Variants in AHI1 observed in about 807,000 individuals in gnomAD.
The protein encoded by AHI1 is jouberin.
AHI1 carries 123 observed loss-of-function variants against 149.3 expected under a neutral mutation model. The observed-to-expected ratio is 0.82, with a 90% CI of 0.71 to 0.96. The LOEUF (loss-of-function observed/expected upper bound fraction) is 0.96, where lower values mean the gene tolerates loss of function less well. AHI1 is among the 40% of genes least tolerant of loss of function. AHI1 has a pLI of 0.00. For missense variants in AHI1, 1,439 were observed against 1,422.7 expected (o/e 1.01, Z -0.18); for synonymous variants, 475 against 459.8 (o/e 1.03, Z -0.42).
At chr6:135,417,618 A>C (rs968262849) in intron 20 of AHI1, among the ~76,000 whole-genome samples, 2 of 152,050 alleles carry the variant, frequency 1.3e-5, no homozygotes, top group African/African-American at 4.8e-5. Context: ...AACACAAATA[A>C]ATACAAACAA....
At chr6:135,310,134 A>C (rs1784994952) in intron 26 of AHI1, among the ~76,000 whole-genome samples, 1 of 152,198 alleles carries the variant, frequency 6.6e-6, no homozygotes, top group African/African-American at 2.4e-5. Context: ...AAAAATCTGC[A>C]CTGTCTATTA....
At chr6:135,450,435 C>T (rs987458485) in intron 11 of AHI1, among the ~76,000 whole-genome samples, 1 of 152,140 alleles carries the variant, frequency 6.6e-6, no homozygotes, top group African/African-American at 2.4e-5. Flanking sequence ...ATCTTTTCCC[C>T]TACCCCTTTA....
At chr6:135,374,656 C>A (rs111517313) in intron 23 of AHI1, among the ~76,000 whole-genome samples, 6 of 151,238 alleles carry the variant, frequency 4.0e-5, no homozygotes, top group African/African-American at 1.5e-4. Context: ...TTAGAAGATA[C>A]AATGAAAGAG....
At chr6:135,401,899 C>G (rs1232206722) in intron 22 of AHI1, among the ~76,000 whole-genome samples, 2 of 152,142 alleles carry the variant, frequency 1.3e-5, no homozygotes, top group East Asian at 3.9e-4. Context: ...AGACAATCCA[C>G]AAAATGGGAT....
At chr6:135,332,152 C>T (rs1788697443) in intron 24 of AHI1, among the ~76,000 whole-genome samples, 1 of 151,878 alleles carries the variant, frequency 6.6e-6, no homozygotes, top group Non-Finnish European at 1.5e-5. Context: ...TCACTGCAAC[C>T]TCCGTCTCCC....
intron 26 of AHI1, chr6:135,302,955 T>C (rs1371467397): frequency 2.1e-5 from 10 of 465,184 alleles, no homozygotes; most frequent in Non-Finnish European, 3.5e-5. Context: ...TTGTTTCCTC[T>C]TCATGGATAT....
chr6:135,394,730 G>A, intron 23 of AHI1, 46 bp downstream of exon 23: 2 of 1,602,664 alleles, frequency 1.2e-6, no homozygotes, highest in African/African-American at 1.3e-5. Flanking sequence ...AACACAACAA[G>A]CATCTGAACA....
chr6:135,395,374 A>C lies in AHI1; in HGVS notation c.2989-478T>G, dbSNP rs146463862. 1.7e-3 allele frequency among the ~76,000 whole-genome samples: 253 copies of C among 152,064 alleles called. 2 individuals are homozygous for C. The highest frequency in any genetic ancestry group is 2.8e-3 in the Non-Finnish European group (193 of 67,850). The stretch of plus-strand genomic sequence containing the variant: ...GACACAGATAACACAGCTGTAACCT[A>C]GCTTGCCATGTGAAATAGTATCCAT... On this transcript the variant is annotated intron_variant, in intron 22 of 28. Transcript: ENST00000265602.
intron 24 of AHI1, among the ~76,000 whole-genome samples, chr6:135,326,931 T>C (rs1300122663): frequency 6.6e-6 from 1 of 152,210 alleles, no homozygotes; most frequent in Non-Finnish European, 1.5e-5. Flanking sequence ...CCAATGTCCA[T>C]TATACCTCTC....
At chr6:135,421,871 T>C (rs1298268583) in intron 20 of AHI1, among the ~76,000 whole-genome samples, 1 of 152,180 alleles carries the variant, frequency 6.6e-6, no homozygotes, top group Non-Finnish European at 1.5e-5. Context: ...ATTTCTATCT[T>C]TTAATTTCTC....
At position 135,467,625 on chromosome 6, in the gene AHI1, T is replaced by C. The variant is rs533707253; in HGVS notation, c.145A>G (p.Ile49Val). Residue 49 changes from isoleucine to valine, a missense_variant, in exon 6 of 29, where the codon ATT becomes GTT. By Grantham distance (29) the Ile-to-Val change is conservative. Coordinates refer to ENST00000265602, the MANE Select transcript of AHI1 (RefSeq NM_001134831.2). ...TTCATATAGTGAAGATTGCTTCTAA[T>C]AGTGTCAGGCTAAAAAGGAAGACAT... ...RSEENISPDT[I>V]RSNLHYMKET... 6.8e-6 allele frequency: 11 copies of C among 1,606,572 alleles called. No homozygotes were observed. Among genetic ancestry groups the C allele is most frequent in the Admixed American group, 1.7e-5 (1 of 59,622 alleles).
chr6:135,376,539 C>G (rs925052626), intron 23 of AHI1, among the ~76,000 whole-genome samples: 4 of 151,988 alleles, frequency 2.6e-5, no homozygotes, highest in African/African-American at 9.7e-5. Flanking sequence ...AAAGTTTAGC[C>G]TGAATATAAT....
chr6:135,432,266 T>A (rs17707973), intron 16 of AHI1, among the ~76,000 whole-genome samples: 26,022 of 152,158 alleles, frequency 0.17, 2,884 homozygotes, highest in Middle Eastern at 0.29. Flanking sequence ...TGAAATTATG[T>A]AAAAAGTGAC....
intron 23 of AHI1, among the ~76,000 whole-genome samples, chr6:135,383,431 C>T (rs1245629695): frequency 2.1e-5 from 3 of 144,452 alleles, no homozygotes; most frequent in Admixed American, 1.4e-4. Flanking sequence ...GAGACAGGGT[C>T]CCACTGTGTG....
At chr6:135,359,273 A>G (rs1353746327) in intron 23 of AHI1, among the ~76,000 whole-genome samples, 1 of 152,200 alleles carries the variant, frequency 6.6e-6, no homozygotes, top group East Asian at 1.9e-4. Flanking sequence ...CCTTCATTCA[A>G]TTGACTAATA....
chr6:135,374,323 A>T (rs1338296808), intron 23 of AHI1, among the ~76,000 whole-genome samples: 2 of 151,540 alleles, frequency 1.3e-5, no homozygotes, highest in Non-Finnish European at 2.9e-5. Context: ...TGTGTTAGCC[A>T]GGCTGGTCTC....
intron 26 of AHI1, among the ~76,000 whole-genome samples, chr6:135,314,853 T>C (rs914035311): frequency 2.6e-5 from 4 of 152,182 alleles, no homozygotes; most frequent in African/African-American, 9.7e-5. Flanking sequence ...CCTGCTTATC[T>C]TTGCATCTGT....
intron 24 of AHI1, among the ~76,000 whole-genome samples, chr6:135,344,612 C>T (rs972648048): frequency 2.1e-5 from 3 of 141,380 alleles, no homozygotes; most frequent in South Asian, 2.5e-4. Context: ...TAACTTCAAA[C>T]CCTCCCTCCC....
chr6:135,381,054 T>C lies in AHI1; in HGVS notation c.3109+13722A>G, dbSNP rs1322756735. On this transcript the variant is annotated intron_variant, in intron 23 of 28. Transcript: ENST00000265602. ...TAAGCACATTAATTTGCCTGTTATA[T>C]GTGCATTTATATCTGCCTTTTACAT... Among the ~76,000 whole-genome samples, 4 of 152,330 alleles carry C rather than the reference T, an allele frequency of 2.6e-5. No homozygotes were observed. In the East Asian group the frequency reaches 7.7e-4, roughly 29 times the overall value.
Sources: allele counts gnomAD v4.1 joint callset (sites outside exome capture counted in the v4.1 genomes callset), GRCh38; gene constraint gnomAD v4.1.1; transcripts MANE v1.5; gene names NCBI Gene and HGNC (gene_info 2026-07-23, HGNC 2026-07-21).